The following ZNF607 variants were observed in gnomAD, a reference collection of about 807,000 sequenced individuals.
The protein encoded by ZNF607 is zinc finger protein 607.
A neutral mutation model predicts 12.8 loss-of-function variants in ZNF607; 5 were observed. That is an observed-to-expected ratio of 0.39 (90% CI 0.20 to 0.82). The LOEUF (loss-of-function observed/expected upper bound fraction) is 0.82, where lower values mean the gene tolerates loss of function less well. Ranked by LOEUF, ZNF607 falls within the 40% of genes least tolerant of loss-of-function variation. ZNF607 has a pLI of 0.39. For missense variants in ZNF607, 851 were observed against 859.2 expected (o/e 0.99, Z 0.12); for synonymous variants, 287 against 276.2 (o/e 1.04, Z -0.39).
Position 37,698,091 on chromosome 19 carries a change from C to A in ZNF607, c.2040G>T (p.Arg680Ser). The change falls in exon 5 of 5, where the codon AGG becomes AGT. Residue 680 changes from arginine to serine, a missense_variant. By Grantham distance (110) the Arg-to-Ser change is moderately radical. Transcript: ENST00000355202. ...EKPFKCNKCR[R>S]SFRLRSILEV... is the part of the protein sequence containing the mutation. ...CAAGGATGGATCTAAGCCTAAAGGA[C>A]CTTCTGCATTTGTTACATTTAAAGG... 6.2e-7 allele frequency: 1 copy of A among 1,612,912 alleles called. No homozygotes were observed. The highest frequency in any genetic ancestry group is 8.5e-7 in the Non-Finnish European group (1 of 1,179,728).
At chr19:37,717,730 C>A (rs1410403107) in intron 1 of ZNF607, among the ~76,000 whole-genome samples, 5 of 147,766 alleles carry the variant, frequency 3.4e-5, no homozygotes, top group African/African-American at 1.3e-4. Flanking sequence ...CGCTTGAACC[C>A]GGGAGGCGGA....
In ZNF607 at chr19:37,708,130, TG is replaced by T. The variant is rs374240833; in HGVS notation, c.137-119del. 7.8e-4 allele frequency: 528 copies of T among 678,626 alleles called. 3 individuals carry two copies. The African/African-American group carries it at 9.0e-3, about 12-fold the overall frequency. 42.0% of individuals were successfully genotyped at this position (678,626 alleles called of 1,614,324 possible). On this transcript the variant is annotated intron_variant, in intron 3 of 4. Transcript: ENST00000355202. ...TACTGAGTAAGATTTTAGAGAAGAG[TG>T]AGGGAAATAAAGAAAAAGATCACCC... is the stretch of plus-strand genomic sequence containing the variant.
At chr19:37,707,701 A>G (rs2045097163) in intron 4 of ZNF607, among the ~76,000 whole-genome samples, 1 of 152,120 alleles carries the variant, frequency 6.6e-6, no homozygotes. Context: ...CGGCCTCCCA[A>G]AGCGCTGGGA....
chr19:37,698,970 A>G lies in ZNF607; in HGVS notation c.1161T>C (p.His387=), dbSNP rs760082415. Residue 387 remains histidine (H), a synonymous_variant, in exon 5 of 5, where the codon CAT becomes CAC. Transcript: ENST00000355202. ...HGRLTRHQGI[H]SGKKPYECNK... Reference sequence around the variant, plus strand: ...TACATTCATAGGGTTTCTTACCACTATGAATACCCTGATGTCGAGTAAGTC... The same window carrying G: ...TACATTCATAGGGTTTCTTACCACTGTGAATACCCTGATGTCGAGTAAGTC... 54 of 1,613,270 alleles carry G rather than the reference A, an allele frequency of 3.3e-5. No homozygotes were observed. Among genetic ancestry groups the G allele is most frequent in the East Asian group, 6.7e-5 (3 of 44,716 alleles).
chr19:37,696,378 C>G lies in ZNF607; in HGVS notation c.*1662G>C, dbSNP rs889391757. The G allele has an allele frequency of 5.6e-6, 1 of 180,044 alleles. No individual in the cohort carries two copies. Among genetic ancestry groups the G allele is most frequent in the African/African-American group, 2.4e-5 (1 of 41,870 alleles). The allele number at this position is 180,044 out of a possible 1,614,324, so 11.2% of individuals were successfully genotyped here. On this transcript the variant is annotated 3_prime_UTR_variant, in exon 5 of 5. Coordinates refer to ENST00000355202, the MANE Select transcript of ZNF607 (RefSeq NM_032689.5). ...ACACAAGTAATGATATTATTATATA[C>G]AGAAGCTAATGTTTATTGAACGTAA...
chr19:37,707,815 T>C, intron 4 of ZNF607, 99 bp downstream of exon 4: 1 of 890,052 alleles, frequency 1.1e-6, no homozygotes, highest in East Asian at 2.5e-5. Flanking sequence ...GGGAAATTTA[T>C]GACCAATGTT....
chr19:37,712,192 C>T (rs1408020153), intron 1 of ZNF607, among the ~76,000 whole-genome samples: 2 of 152,036 alleles, frequency 1.3e-5, no homozygotes, highest in Non-Finnish European at 2.9e-5. Flanking sequence ...TATCACTGTC[C>T]TAGAATACAA....
At chr19:37,708,213 T>G (rs969517020) in intron 3 of ZNF607, among the ~76,000 whole-genome samples, 1 of 151,580 alleles carries the variant, frequency 6.6e-6, no homozygotes, top group Non-Finnish European at 1.5e-5. Flanking sequence ...TTTTTTTTTT[T>G]GCGACGGAGT....
At chr19:37,714,489 A>G (rs1029914572) in intron 1 of ZNF607, among the ~76,000 whole-genome samples, 1 of 150,460 alleles carries the variant, frequency 6.6e-6, no homozygotes, top group East Asian at 2.0e-4. Flanking sequence ...CGCTTGAACC[A>G]GGAGACCGAG....
chr19:37,699,977 T>C (rs754850745), intron 4 of ZNF607, 82 bp from the exon 5 acceptor site: 185 of 1,248,230 alleles, frequency 1.5e-4, no homozygotes, highest in Non-Finnish European at 1.9e-4. Context: ...TCTCACCTAT[T>C]ACAGATGCTA....
Position 37,711,668 on chromosome 19 carries a change from A to G in ZNF607, c.-50T>C, listed in dbSNP as rs2045134652. The G allele has an allele frequency of 6.2e-7, 1 of 1,605,762 alleles. No individual in the cohort carries two copies. Among genetic ancestry groups the G allele is most frequent in the Admixed American group, 1.7e-5 (1 of 59,852 alleles). On this transcript the variant is annotated 5_prime_UTR_variant, in exon 2 of 5. Coordinates refer to ENST00000355202, the MANE Select transcript of ZNF607 (RefSeq NM_032689.5). ...CAGTCCTTGGCGTTTCTCTACCAGA[A>G]GAGCAAAGTCAAAAGAACCAAGACC...
chr19:37,700,336 A>G (rs1489823187), intron 4 of ZNF607, among the ~76,000 whole-genome samples: 1 of 152,240 alleles, frequency 6.6e-6, no homozygotes. Context: ...GAAGAATTCC[A>G]GCAGATTGAA....
In ZNF607 at chr19:37,699,581, T is replaced by C; in HGVS notation, c.550A>G (p.Asn184Asp). 6.2e-7 allele frequency: 1 copy of C among 1,613,980 alleles called. No homozygotes were observed. Among genetic ancestry groups the C allele is most frequent in the Middle Eastern group, 1.7e-4 (1 of 6,060 alleles). Residue 184 changes from asparagine to aspartate, a missense_variant, in exon 5 of 5, where the codon AAC becomes GAC. Coordinates refer to ENST00000355202, the MANE Select transcript of ZNF607 (RefSeq NM_032689.5). ...ECGKVFSYPA[N>D]LAQHGKVHVE... is the part of the protein sequence containing the mutation. ...TGAACTTTCCCATGTTGAGCAAGGT[T>C]TGCAGGATAACTGAAGACCTTCCCA...
chr19:37,713,329 G>A (rs1355836709), intron 1 of ZNF607, among the ~76,000 whole-genome samples: 1 of 151,908 alleles, frequency 6.6e-6, no homozygotes, highest in East Asian at 1.9e-4. Context: ...TTCCTTCATA[G>A]ACTGTAAAAG....
chr19:37,698,800 G>C lies in ZNF607; in HGVS notation c.1331C>G (p.Thr444Ser), dbSNP rs2045006617. The change falls in exon 5 of 5, where the codon ACT (threonine) becomes AGT (serine). Residue 444 changes from threonine (T) to serine (S), a missense_variant. Thr to Ser is a moderately conservative substitution (Grantham distance 58). Transcript: ENST00000355202. ...TTTACATTCAAAGGGTTTGTAACCA[G>C]TATGAATTCTGTTATGATGGGCAAG... ...AHLAHHNRIH[T>S]GYKPFECKEC... 5 of 1,613,132 alleles carry C rather than the reference G, an allele frequency of 3.1e-6. No homozygotes were observed. Among genetic ancestry groups the C allele is most frequent in the Non-Finnish European group, 4.2e-6 (5 of 1,179,662 alleles).
intron 1 of ZNF607, among the ~76,000 whole-genome samples, chr19:37,712,917 A>G (rs747519599): frequency 2.0e-5 from 3 of 152,242 alleles, no homozygotes; most frequent in Non-Finnish European, 4.4e-5. Flanking sequence ...TGTGTCTCCA[A>G]CAACATGGGG....
At position 37,699,614 on chromosome 19, in the gene ZNF607, C is replaced by T. The variant is rs866245354; in HGVS notation, c.517G>A (p.Glu173Lys). The change falls in exon 5 of 5, where the codon GAA becomes AAA. Residue 173 changes from glutamate (E) to lysine (K), a missense_variant. Glu to Lys is a moderately conservative substitution (Grantham distance 56). Transcript: ENST00000355202. ...TAACTGAAGACCTTCCCACATTCTT[C>T]ACATTCATAAGGTTTCTCACGAGCA... ...INAREKPYEC[E>K]ECGKVFSYPA... The T allele has an allele frequency of 6.2e-7, 1 of 1,614,152 alleles. No individual in the cohort carries two copies. The highest frequency in any genetic ancestry group is 8.5e-7 in the Non-Finnish European group (1 of 1,180,020).
At chr19:37,712,581 T>C (rs566870105) in intron 1 of ZNF607, among the ~76,000 whole-genome samples, 7 of 152,216 alleles carry the variant, frequency 4.6e-5, no homozygotes, top group Non-Finnish European at 1.0e-4. Flanking sequence ...GCTGAATACA[T>C]GAAACAACTA....
intron 3 of ZNF607, 115 bp from the exon 4 acceptor site, chr19:37,708,127 G>A (rs1040664989): frequency 1.5e-6 from 1 of 684,594 alleles, no homozygotes; most frequent in Non-Finnish European, 2.3e-6. Context: ...TTTTAGAGAA[G>A]AGTGAGGGAA....
Sources: allele counts gnomAD v4.1 joint callset (sites outside exome capture counted in the v4.1 genomes callset), GRCh38; gene constraint gnomAD v4.1.1; transcripts MANE v1.5; gene names NCBI Gene and HGNC (gene_info 2026-07-23, HGNC 2026-07-21).